Variants in SETX observed in about 807,000 individuals in gnomAD.
The protein encoded by SETX is helicase senataxin.
Under a neutral mutation model 227.2 loss-of-function variants are expected in SETX, and 90 were observed. The observed-to-expected ratio is 0.40, with a 90% CI of 0.33 to 0.47. The LOEUF is 0.47. Ranked by LOEUF, SETX falls within the 20% of genes least tolerant of loss-of-function variation. The pLI, the probability that SETX is intolerant of heterozygous loss-of-function variation, is 0.91. For missense variants in SETX, 3,052 were observed against 3,181.5 expected, an observed-to-expected ratio of 0.96 and a Z score of 0.98; for synonymous variants, 1,210 against 1,113.2, an observed-to-expected ratio of 1.09 and a Z score of -1.73.
At position 132,346,344 on chromosome 9, in the gene SETX, G is replaced by A. The variant is rs372956007; in HGVS notation, c.305C>T (p.Thr102Ile). ...NNGEMPLFDI[T>I]GQDFENKLRV... is the part of the protein sequence containing the mutation. ...AAGCTTATTTTCAAAGTCTTGCCCA[G>A]TGATGTCAAACAGTGGCATCTCTCC... Residue 102 changes from threonine to isoleucine, a missense_variant, in exon 4 of 26, where the codon ACT becomes ATT. Thr to Ile is a moderately conservative substitution (Grantham distance 89). Coordinates refer to ENST00000224140, the MANE Select transcript of SETX (RefSeq NM_015046.7). The A allele has an allele frequency of 6.2e-7, 1 of 1,613,930 alleles. No homozygotes were observed. Among genetic ancestry groups the A allele is most frequent in the East Asian group, 2.2e-5 (1 of 44,852 alleles).
intron 15 of SETX, among the ~76,000 whole-genome samples, chr9:132,289,878 T>C (rs1294359023): frequency 2.0e-5 from 3 of 152,226 alleles, no homozygotes; most frequent in Admixed American, 6.5e-5. Context: ...TTTTTGTTTT[T>C]TTCTTTTATT....
Position 132,264,872 on chromosome 9 carries a change from A to G in SETX, c.7401T>C (p.Pro2467=). The G allele has an allele frequency of 6.2e-7, 1 of 1,614,088 alleles. No individual in the cohort carries two copies. The highest frequency in any genetic ancestry group is 8.5e-7 in the Non-Finnish European group (1 of 1,179,938). The change falls in exon 26 of 26, where the codon CCT becomes CCC. Residue 2467 remains proline, a synonymous_variant. Coordinates refer to ENST00000224140, the MANE Select transcript of SETX (RefSeq NM_015046.7). ...GGTGAGTGAGACTTCTCTGCAGCAC[A>G]GGCTTGAGTTTCAGAATCTTCACTG... ...HDAVKILKLK[P]VLQRSLTHPP... is the part of the protein sequence containing the mutation.
chr9:132,293,037 A>G (rs1844436912), intron 15 of SETX, among the ~76,000 whole-genome samples: 1 of 152,236 alleles, frequency 6.6e-6, no homozygotes, highest in African/African-American at 2.4e-5. Context: ...CATTAATTTC[A>G]AAGTCCTAAA....
At chr9:132,333,404 A>ATAT (rs1455820977) in intron 7 of SETX, among the ~76,000 whole-genome samples, 1,914 of 61,186 alleles carry the variant, frequency 0.031, 135 homozygotes, top group East Asian at 0.062. Flanking sequence ...AAAAGAAAAA[A>ATAT]AAAAATATAT....
rs512860 is a variant in SETX, at chr9:132,333,416, T to C, written c.838+1192A>G. On this transcript the variant is annotated intron_variant, in intron 7 of 25. Transcript: ENST00000224140. Reference sequence around the variant, plus strand: ...AAAAAAAGAAAAAAAAAAATATATATACACACACACACACACACACACACA... The same window carrying C: ...AAAAAAAGAAAAAAAAAAATATATACACACACACACACACACACACACACA... Among the ~76,000 whole-genome samples the C allele has an allele frequency of 2.3e-3, 204 of 88,070 alleles. 6 individuals carry two copies. The highest frequency in any genetic ancestry group is 7.7e-3 in the East Asian group (22 of 2,846). 57.8% of individuals were successfully genotyped at this position (88,070 alleles called of 152,430 possible).
In SETX at chr9:132,326,556, T is replaced by C. The variant is rs749685249; in HGVS notation, c.5042A>G (p.Tyr1681Cys). The C allele has an allele frequency of 3.2e-5, 51 of 1,614,094 alleles. No individual in the cohort carries two copies. The highest frequency in any genetic ancestry group is 3.9e-5 in the Non-Finnish European group (46 of 1,180,034). ...GTTTACTGGAGAGGAAGATGGAAAA[T>C]ATTTGCTTTCACCAAATGGAACTTT... ...GCKVPFGESK[Y>C]FPSSSPVNIL... Residue 1681 changes from tyrosine to cysteine, a missense_variant, in exon 10 of 26, where the codon TAT becomes TGT. Tyr to Cys is a radical substitution (Grantham distance 194, BLOSUM62 -2). This residue lies in a region of SETX where 1,483 missense variants were observed against 1,312.0 expected (regional missense o/e 1.13). Transcript: ENST00000224140.
Position 132,329,413 on chromosome 9 carries a change from T to C in SETX, c.2185A>G (p.Arg729Gly), listed in dbSNP as rs985838302. The change falls in exon 10 of 26, where the codon AGA (arginine) becomes GGA (glycine). Residue 729 changes from arginine (R) to glycine (G), a missense_variant. Around this residue, in one of 10 missense-constraint regions of SETX, gnomAD observed 1,483 missense variants for 1,312.0 expected, o/e 1.13. Coordinates refer to ENST00000224140, the MANE Select transcript of SETX (RefSeq NM_015046.7). ...TCACATCCCCTTTCTGGACCATTTC[T>C]TGAAGTACAGTCCTTTGGTGTATAT... The part of the protein sequence containing the change: ...SSYTPKDCTS[R>G]NGPERGCDRG... The C allele has an allele frequency of 6.2e-7, 1 of 1,613,840 alleles. No individual in the cohort carries two copies. The highest frequency in any genetic ancestry group is 1.1e-5 in the South Asian group (1 of 91,074).
rs1265398784 is a variant in SETX at position 132,271,695 on chromosome 9, A to T, written c.7199+15T>A. ...TGTATACAAGTATAAAAGAGCAACA[A>T]TGACAGTAACTCACCCAATTGAACC... On this transcript the variant is annotated intron_variant, in intron 24 of 25. Coordinates refer to ENST00000224140, the MANE Select transcript of SETX (RefSeq NM_015046.7). The T allele has an allele frequency of 6.3e-7, 1 of 1,597,636 alleles. No individual in the cohort carries two copies. The highest frequency in any genetic ancestry group is 1.3e-5 in the African/African-American group (1 of 74,642).
intron 10 of SETX, among the ~76,000 whole-genome samples, chr9:132,325,489 T>C (rs2131419577): frequency 6.6e-6 from 1 of 152,356 alleles, no homozygotes; most frequent in African/African-American, 2.4e-5. Context: ...CAGAGGTCTC[T>C]TACTTAAAAA....
At position 132,329,295 on chromosome 9, in the gene SETX, T is replaced by A. The variant is rs1554821462; in HGVS notation, c.2303A>T (p.Lys768Met). 5 of 1,613,868 alleles carry A rather than the reference T, an allele frequency of 3.1e-6. No individual in the cohort carries two copies. Among genetic ancestry groups the A allele is most frequent in the Non-Finnish European group, 3.4e-6 (4 of 1,179,890 alleles). ...VSTSNEDFSL[K>M]DDALAKTSKR... The stretch of plus-strand genomic sequence containing the variant: ...TGAGGTTTTAGCAAGAGCATCATCC[T>A]TTAAAGAGAAATCTTCATTCGATGT... Residue 768 changes from lysine (K) to methionine (M), a missense_variant, in exon 10 of 26, where the codon AAG becomes ATG. By Grantham distance (95) the Lys-to-Met change is moderately conservative (BLOSUM62 -1). Around this residue, in one of 10 missense-constraint regions of SETX, gnomAD observed 1,483 missense variants for 1,312.0 expected, o/e 1.13. Transcript: ENST00000224140.
intron 11 of SETX, among the ~76,000 whole-genome samples, chr9:132,305,353 C>CA (rs144880539): frequency 0.051 from 3,550 of 69,654 alleles, 337 homozygotes; most frequent in African/African-American, 0.16. Context: ...GACTCCGTCT[C>CA]AAAAAAAAAA....
At chr9:132,281,436 T>A (rs1331084898) in intron 20 of SETX, 31 bp downstream of exon 20, 1 of 1,540,676 alleles carries the variant, frequency 6.5e-7, no homozygotes, top group Non-Finnish European at 9.0e-7. Flanking sequence ...GCCCCTTCCA[T>A]TTTAAAGCAA....
chr9:132,341,638 C>T (rs564990793), intron 5 of SETX, among the ~76,000 whole-genome samples: 1 of 152,180 alleles, frequency 6.6e-6, no homozygotes, highest in South Asian at 2.1e-4. Flanking sequence ...ACCAGACCTG[C>T]TTCCTCCATA....
chr9:132,269,092 T>A (rs1231207987), intron 25 of SETX, among the ~76,000 whole-genome samples: 1 of 152,256 alleles, frequency 6.6e-6, no homozygotes, highest in Non-Finnish European at 1.5e-5. Context: ...AATTAAGCTG[T>A]ACCATTTGTC....
chr9:132,300,176 C>T (rs1844908772), intron 12 of SETX, among the ~76,000 whole-genome samples: 1 of 142,306 alleles, frequency 7.0e-6, no homozygotes, highest in African/African-American at 2.6e-5. Context: ...TCACTGCATA[C>T]ATCTGGTATT....
Position 132,275,417 on chromosome 9 carries a change from T to C in SETX, c.6939A>G (p.Ser2313=), listed in dbSNP as rs867720632. The C allele has an allele frequency of 6.3e-7, 1 of 1,594,536 alleles. No individual in the cohort carries two copies. ...GTTTTATTTCTTGAACATTTATATA[T>C]GAGCTAAACAAGATGGAAAAAGAAA... ...GDGSERRDND[S]YINVQEIKLV... Residue 2313 remains serine, a synonymous_variant, in exon 23 of 26, where the codon TCA becomes TCG. Transcript: ENST00000224140.
rs11790312 is a variant in SETX at position 132,342,660 on chromosome 9, A to G, written c.498+30T>C. On this transcript the variant is annotated intron_variant, in intron 5 of 25. Coordinates refer to ENST00000224140, the MANE Select transcript of SETX (RefSeq NM_015046.7). ...ATCTATAGGTACAAAAGCACAATAT[A>G]CCCTTCTATCGCCCAACACTCACAC... The G allele has an allele frequency of 0.054, 76,418 of 1,406,720 alleles. 3,161 individuals carry two copies. Among genetic ancestry groups the G allele is most frequent in the East Asian group, 0.25 (10,844 of 43,790 alleles). The allele number at this position is 1,406,720 out of a possible 1,614,324, so 87.1% of individuals were successfully genotyped here.
chr9:132,264,650 C>G lies in SETX; in HGVS notation c.7623G>C (p.Leu2541=), dbSNP rs1842548758. 1.2e-6 allele frequency: 2 copies of G among 1,614,096 alleles called. No individual in the cohort carries two copies. Among genetic ancestry groups the G allele is most frequent in the African/African-American group, 2.7e-5 (2 of 74,916 alleles). ...TGACCTCAATGCCCATCCTCTTCAG[C>G]AGTCGTGGGTCCTGAAGTTGGTCAT... The part of the protein sequence containing the change: ...PVHDQLQDPR[L]LKRMGIEVKG... Residue 2541 remains leucine, a synonymous_variant, in exon 26 of 26, where the codon CTG becomes CTC. Coordinates refer to ENST00000224140, the MANE Select transcript of SETX (RefSeq NM_015046.7).
Position 132,327,439 on chromosome 9 carries a change from A to G in SETX, c.4159T>C (p.Phe1387Leu), listed in dbSNP as rs1846891432. 6 of 1,614,052 alleles carry G rather than the reference A, an allele frequency of 3.7e-6. No homozygotes were observed. In the South Asian group the frequency reaches 5.5e-5, roughly 15 times the overall value. Residue 1387 changes from phenylalanine to leucine, a missense_variant, in exon 10 of 26, where the codon TTT (phenylalanine) becomes CTT (leucine). Transcript: ENST00000224140. ...TCTGACCTATCAGATTCTGGTACAAATATGTCAGAATTCTGTGCTGTATGT... is the reference window on the plus strand; with the variant it reads ...TCTGACCTATCAGATTCTGGTACAAGTATGTCAGAATTCTGTGCTGTATGT... ...GSHTAQNSDI[F>L]VPESDRSDYN...
Sources: gnomAD v4.1 joint callset for allele counts (sites outside exome capture counted in the v4.1 genomes callset) on GRCh38, gnomAD v4.1.1 for gene constraint, gnomAD v4.1.1 regional missense constraint, MANE v1.5 for transcripts, NCBI Gene and HGNC (gene_info 2026-07-23, HGNC 2026-07-21) for gene names.